Variants in BCL2L11 observed in about 807,000 individuals in gnomAD.
BCL2L11 encodes BCL2 like 11.
Under a neutral mutation model 20.6 loss-of-function variants are expected in BCL2L11, and 15 were observed. The observed-to-expected ratio is 0.73, with a 90% confidence interval of 0.49 to 1.12. The LOEUF (loss-of-function observed/expected upper bound fraction) is 1.12. Ranked by LOEUF, BCL2L11 falls within the 50% of genes most tolerant of loss-of-function variation. BCL2L11 has a pLI of 0.00. For missense variants in BCL2L11, 292 were observed against 260.9 expected, an observed-to-expected ratio of 1.12 and a Z score of -0.82; for synonymous variants, 108 against 92.8, an observed-to-expected ratio of 1.16 and a Z score of -0.94.
chr2:111,163,327 T>C (rs1019557838), intron 3 of BCL2L11: 1 of 152,312 alleles, frequency 6.6e-6, no homozygotes, highest in African/African-American at 2.4e-5. Context: ...TTGTAGCTCA[T>C]GGCGTCGAGG....
chr2:111,124,814 A>T (rs1053926614), intron 2 of BCL2L11, among the ~76,000 whole-genome samples: 22 of 152,228 alleles, frequency 1.4e-4, no homozygotes, highest in Non-Finnish European at 2.9e-5. Flanking sequence ...TAACACTTTT[A>T]AAAAAATGAA....
At chr2:111,138,950 A>G (rs2075365015) in intron 2 of BCL2L11, among the ~76,000 whole-genome samples, 1 of 152,170 alleles carries the variant, frequency 6.6e-6, no homozygotes, top group Non-Finnish European at 1.5e-5. Flanking sequence ...TTGCCCCTCA[A>G]TGAGCCCTCA....
chr2:111,138,232 C>T (rs1022331192), intron 2 of BCL2L11, among the ~76,000 whole-genome samples: 1 of 152,068 alleles, frequency 6.6e-6, no homozygotes, highest in East Asian at 1.9e-4. Context: ...TGGTCTCGAA[C>T]TCCTGACCTG....
intron 2 of BCL2L11, among the ~76,000 whole-genome samples, chr2:111,127,746 A>G (rs1402110479): frequency 6.6e-6 from 1 of 152,222 alleles, no homozygotes. Context: ...GCTCAGCACT[A>G]CTCAGCAGGG....
intron 2 of BCL2L11, chr2:111,128,967 T>G (rs756425285): frequency 1.3e-5 from 9 of 675,918 alleles, no homozygotes; most frequent in African/African-American, 1.9e-5. Context: ...GAGTGTGCAG[T>G]GCTGCTCTAG....
intron 3 of BCL2L11, chr2:111,151,952 C>T (rs958880774): frequency 7.3e-7 from 1 of 1,379,088 alleles, no homozygotes; most frequent in African/African-American, 1.4e-5. Flanking sequence ...ACCATTCCCT[C>T]CAGTTCCTCT....
chr2:111,144,090 T>TAA (rs887201023), intron 2 of BCL2L11, among the ~76,000 whole-genome samples: 1 of 152,212 alleles, frequency 6.6e-6, no homozygotes, highest in East Asian at 1.9e-4. Flanking sequence ...GTTGAAAGAG[T>TAA]AAGTATGAAA....
intron 3 of BCL2L11, 32 bp downstream of exon 3, chr2:111,150,179 T>G (rs373911654): frequency 2.1e-5 from 34 of 1,607,952 alleles, no homozygotes; most frequent in Non-Finnish European, 2.9e-5. Flanking sequence ...GCTTTTCTGC[T>G]CACACCCTCC....
chr2:111,129,601 G>C (rs1241539559), intron 2 of BCL2L11, among the ~76,000 whole-genome samples: 2 of 152,182 alleles, frequency 1.3e-5, no homozygotes, highest in Admixed American at 1.3e-4. Flanking sequence ...TCCATCTACT[G>C]TATTGAGATT....
intron 1 of BCL2L11, among the ~76,000 whole-genome samples, chr2:111,121,675 C>T (rs1173919048): frequency 6.6e-6 from 1 of 152,212 alleles, no homozygotes; most frequent in Non-Finnish European, 1.5e-5. Flanking sequence ...TGCGGAACTG[C>T]GGTGGTGATT....
chr2:111,124,914 T>G (rs1029684513), intron 2 of BCL2L11, among the ~76,000 whole-genome samples: 13 of 152,246 alleles, frequency 8.5e-5, no homozygotes, highest in African/African-American at 3.1e-4. Flanking sequence ...TCAGAGGGTT[T>G]GGACATAGTA....
chr2:111,158,318 A>C (rs1575193535), intron 3 of BCL2L11, among the ~76,000 whole-genome samples: 2 of 152,136 alleles, frequency 1.3e-5, no homozygotes, highest in Non-Finnish European at 2.9e-5. Context: ...TCCTAGTTCC[A>C]TGTCCCACCC....
chr2:111,124,362 C>G (rs1025675650), intron 2 of BCL2L11, among the ~76,000 whole-genome samples: 1 of 151,576 alleles, frequency 6.6e-6, no homozygotes, highest in African/African-American at 2.4e-5. Flanking sequence ...GCAATCTCAG[C>G]TCACCGCAAG....
chr2:111,158,762 C>G (rs573145474), intron 3 of BCL2L11, among the ~76,000 whole-genome samples: 1 of 152,160 alleles, frequency 6.6e-6, no homozygotes, highest in Non-Finnish European at 1.5e-5. Context: ...GTTTTTCCCT[C>G]GTTGCTCTGA....
intron 2 of BCL2L11, among the ~76,000 whole-genome samples, chr2:111,135,407 A>G (rs6746608): frequency 0.54 from 82,313 of 151,786 alleles, 22,970 homozygotes; most frequent in African/African-American, 0.64. Context: ...GTTGGGGGAG[A>G]TGTGTAAGCT....
At chr2:111,159,016 G>A (rs192742611) in intron 3 of BCL2L11, among the ~76,000 whole-genome samples, 1 of 152,310 alleles carries the variant, frequency 6.6e-6, no homozygotes, top group African/African-American at 2.4e-5. Context: ...TGAGTGGGCT[G>A]TATTCTGAGC....
At position 111,123,957 on chromosome 2, in the gene BCL2L11, G is replaced by A. The variant is rs770692189; in HGVS notation, c.212G>A (p.Gly71Asp). 23 of 1,614,082 alleles carry A rather than the reference G, an allele frequency of 1.4e-5. No homozygotes were observed. Among genetic ancestry groups the A allele is most frequent in the Non-Finnish European group, 1.9e-5 (23 of 1,180,040 alleles). ...CCGCTGGCCCCACCTGCCAGCCCTGGCCCTTTTGCTACCAGATCCCCGCTT... is the reference window on the plus strand; with the variant it reads ...CCGCTGGCCCCACCTGCCAGCCCTGACCCTTTTGCTACCAGATCCCCGCTT... Reference protein sequence around the residue: ...QGPLAPPASPGPFATRSPLFI... With the variant: ...QGPLAPPASPDPFATRSPLFI... The change falls in exon 2 of 4, where the codon GGC becomes GAC. Residue 71 changes from glycine (G) to aspartate (D), a missense_variant. Physicochemically the swap from Gly to Asp is moderately conservative, Grantham distance 94. Transcript: ENST00000393256.
chr2:111,163,880 T>C (rs1382165227), intron 3 of BCL2L11, among the ~76,000 whole-genome samples: 1 of 150,960 alleles, frequency 6.6e-6, no homozygotes, highest in Non-Finnish European at 1.5e-5. Context: ...TTTTTTTTTT[T>C]TTTCCTATTT....
intron 1 of BCL2L11, among the ~76,000 whole-genome samples, 154 bp downstream of exon 1, chr2:111,121,342 G>A (rs1321026303): frequency 6.6e-6 from 1 of 152,212 alleles, no homozygotes; most frequent in East Asian, 1.9e-4. Context: ...GTGGGGATCC[G>A]TGTGGATCGG....
Sources: gnomAD v4.1 joint callset for allele counts (sites outside exome capture counted in the v4.1 genomes callset) on GRCh38, gnomAD v4.1.1 for gene constraint, MANE v1.5 for transcripts, NCBI Gene and HGNC (gene_info 2026-07-23, HGNC 2026-07-21) for gene names.